Variants in DNAJC2 observed in about 807,000 individuals in gnomAD.
DNAJC2 encodes the protein dnaJ homolog subfamily C member 2.
Under a neutral mutation model 94.0 loss-of-function variants are expected in DNAJC2, and 32 were observed. The ratio of observed to expected loss-of-function variants is 0.34; its 90% CI spans 0.26 to 0.46. The LOEUF (loss-of-function observed/expected upper bound fraction) is 0.46, where lower values mean the gene tolerates loss of function less well. DNAJC2 is among the 20% of genes least tolerant of loss of function. DNAJC2 has a pLI of 1.00. For missense variants in DNAJC2, 550 were observed against 719.5 expected (o/e 0.76, Z 2.69); for synonymous variants, 210 against 229.7 (o/e 0.91, Z 0.77).
At chr7:103,323,390 G>T (rs1173055933) in intron 7 of DNAJC2, among the ~76,000 whole-genome samples, 2 of 152,058 alleles carry the variant, frequency 1.3e-5, no homozygotes, top group Admixed American at 1.3e-4. Context: ...ATATTCCTTG[G>T]CAATTTCTTA....
intron 4 of DNAJC2, chr7:103,327,442 G>T: frequency 1.3e-6 from 1 of 785,820 alleles, no homozygotes; most frequent in Non-Finnish European, 2.0e-6. Context: ...TTTCTAATAA[G>T]CTGCCAGGTG....
chr7:103,319,573 C>G (rs1161418234), intron 12 of DNAJC2, 36 bp downstream of exon 12: 1 of 1,597,300 alleles, frequency 6.3e-7, no homozygotes, highest in African/African-American at 1.3e-5. Flanking sequence ...GAATTAAATG[C>G]TACATATAGG....
intron 3 of DNAJC2, among the ~76,000 whole-genome samples, chr7:103,328,114 G>C (rs1818803705): frequency 6.6e-6 from 1 of 151,686 alleles, no homozygotes; most frequent in Non-Finnish European, 1.5e-5. Flanking sequence ...TAGAAACAAG[G>C]TTTCACTATG....
At position 103,317,011 on chromosome 7, in the gene DNAJC2, C is replaced by T. The variant is rs1818100008; in HGVS notation, c.1246G>A (p.Glu416Lys). The T allele has an allele frequency of 1.2e-6, 2 of 1,612,390 alleles. No homozygotes were observed. Among genetic ancestry groups the T allele is most frequent in the Admixed American group, 1.7e-5 (1 of 59,872 alleles). ...VGKAALEKQIEEINEQIRKEK... is the reference protein window; with the variant it reads ...VGKAALEKQIKEINEQIRKEK... ...TTTCTGATTTGCTCATTTATTTCTT[C>T]TATCTGCACAAATATCATAAGTCAG... The change falls in exon 13 of 17, where the codon GAA becomes AAA. Residue 416 changes from glutamate (E) to lysine (K), a missense_variant. By Grantham distance (56) the Glu-to-Lys change is moderately conservative. Transcript: ENST00000379263.
chr7:103,313,344 C>T, intron 15 of DNAJC2: 1 of 1,197,978 alleles, frequency 8.3e-7, no homozygotes, highest in Non-Finnish European at 1.0e-6. Flanking sequence ...AAAGATCTAC[C>T]TTGTACTGTT....
intron 2 of DNAJC2, among the ~76,000 whole-genome samples, chr7:103,340,418 T>A (rs1466057117): frequency 6.6e-6 from 1 of 152,264 alleles, no homozygotes; most frequent in Non-Finnish European, 1.5e-5. Context: ...TGCTTTAGCT[T>A]ATTTAGTCCT....
chr7:103,322,694 T>G lies in DNAJC2; in HGVS notation c.811+9A>C. On this transcript the variant is annotated intron_variant, in intron 8 of 16. Coordinates refer to ENST00000379263, the MANE Select transcript of DNAJC2 (RefSeq NM_014377.3). ...TAACATTTAGGGGACTTAAATCAATTCTACTTACCAACTAATGTTCTTATT... is the reference window on the plus strand; with the variant it reads ...TAACATTTAGGGGACTTAAATCAATGCTACTTACCAACTAATGTTCTTATT... The G allele has an allele frequency of 6.2e-7, 1 of 1,612,616 alleles. No individual in the cohort carries two copies. Among genetic ancestry groups the G allele is most frequent in the South Asian group, 1.1e-5 (1 of 91,048 alleles).
intron 7 of DNAJC2, among the ~76,000 whole-genome samples, chr7:103,323,196 C>G (rs763945552): frequency 3.3e-5 from 5 of 152,114 alleles, no homozygotes; most frequent in Non-Finnish European, 7.3e-5. Context: ...TCCCAAAGTG[C>G]TAGGATTACA....
intron 7 of DNAJC2, 47 bp from the exon 8 acceptor site, chr7:103,322,841 A>G (rs1463689950): frequency 7.1e-7 from 1 of 1,407,856 alleles, no homozygotes; most frequent in Non-Finnish European, 9.8e-7. Context: ...TATAGATGCT[A>G]TGACTGGAAA....
chr7:103,322,422 G>GT (rs1232923857), intron 9 of DNAJC2, 89 bp downstream of exon 9: 72 of 1,263,276 alleles, frequency 5.7e-5, no homozygotes, highest in Admixed American at 1.1e-4. Flanking sequence ...TCGAATTATA[G>GT]TTTTTTTTAA....
Position 103,312,411 on chromosome 7 carries a change from C to G in DNAJC2, c.*158G>C, listed in dbSNP as rs1242728937. 6.6e-7 allele frequency: 1 copy of G among 1,508,482 alleles called. No individual in the cohort carries two copies. The highest frequency in any genetic ancestry group is 2.4e-5 in the East Asian group (1 of 41,694). The allele number at this position is 1,508,482 out of a possible 1,614,324, so 93.4% of individuals were successfully genotyped here. ...TTCAAAGGATAAAAAGACTACCCCTCTGAAGGTTGTTTTGTATTAATGGTC... is the reference window on the plus strand; with the variant it reads ...TTCAAAGGATAAAAAGACTACCCCTGTGAAGGTTGTTTTGTATTAATGGTC... On this transcript the variant is annotated 3_prime_UTR_variant, in exon 17 of 17. Coordinates refer to ENST00000379263, the MANE Select transcript of DNAJC2 (RefSeq NM_014377.3).
rs773586540 is a variant in DNAJC2, at chr7:103,344,599, C to T, written c.24G>A (p.Ala8=). The stretch of plus-strand genomic sequence containing the variant: ...GGGTGATGGCGGTGCCCCGGCCGTC[C>T]GCGGCGCTTGGCAGAAGCAGCATGA... MLLLPSA[A]DGRGTAITHA... Residue 8 remains alanine (A), a synonymous_variant, in exon 1 of 17, where the codon GCG becomes GCA. Coordinates refer to ENST00000379263, the MANE Select transcript of DNAJC2 (RefSeq NM_014377.3). 6.2e-7 allele frequency: 1 copy of T among 1,612,714 alleles called. No homozygotes were observed. Among genetic ancestry groups the T allele is most frequent in the Non-Finnish European group, 8.5e-7 (1 of 1,179,962 alleles).
rs1586085124 is a variant in DNAJC2, at chr7:103,323,765, C to G, written c.654-102G>C. 3.3e-6 allele frequency: 3 copies of G among 917,092 alleles called. No homozygotes were observed. The East Asian group carries it at 1.1e-4, about 33-fold the overall frequency. 56.8% of individuals were successfully genotyped at this position (917,092 alleles called of 1,614,324 possible). On this transcript the variant is annotated intron_variant, in intron 6 of 16. Transcript: ENST00000379263. ...TTGTTTTAATGGATACCTTTCCTTC[C>G]CTTCTAGTATTGAACTAAGGTCAAG...
intron 3 of DNAJC2, chr7:103,336,877 T>C (rs1035505446): frequency 2.6e-5 from 4 of 152,252 alleles, no homozygotes; most frequent in South Asian, 4.1e-4. Context: ...GGGGACGATT[T>C]TGAGTTCATC....
At chr7:103,319,587 G>A (rs201350713) in intron 12 of DNAJC2, 22 bp downstream of exon 12, 2 of 1,609,832 alleles carry the variant, frequency 1.2e-6, no homozygotes, top group African/African-American at 2.7e-5. Context: ...ATATAGGTAG[G>A]AGTGATGTGT....
intron 3 of DNAJC2, among the ~76,000 whole-genome samples, chr7:103,334,553 A>C (rs1247996094): frequency 3.3e-5 from 5 of 151,358 alleles, no homozygotes; most frequent in Non-Finnish European, 4.4e-5. Flanking sequence ...TCCACCCTGG[A>C]TAACAGTTAG....
intron 3 of DNAJC2, among the ~76,000 whole-genome samples, chr7:103,331,480 C>A (rs964271069): frequency 1.3e-5 from 2 of 152,154 alleles, no homozygotes; most frequent in African/African-American, 4.8e-5. Context: ...ATGTTTGTAT[C>A]CATTGACCAA....
intron 3 of DNAJC2, among the ~76,000 whole-genome samples, chr7:103,328,422 G>C (rs1426295789): frequency 6.6e-6 from 1 of 151,966 alleles, no homozygotes; most frequent in Non-Finnish European, 1.5e-5. Flanking sequence ...CTTGAGGTCA[G>C]GAGTTCAAGA....
At chr7:103,331,272 T>G (rs1818959210) in intron 3 of DNAJC2, among the ~76,000 whole-genome samples, 2 of 152,232 alleles carry the variant, frequency 1.3e-5, no homozygotes, top group African/African-American at 4.8e-5. Flanking sequence ...TTGTGCATAA[T>G]TCATGATACA....
Sources: gnomAD v4.1 joint callset for allele counts (sites outside exome capture counted in the v4.1 genomes callset) on GRCh38, gnomAD v4.1.1 for gene constraint, MANE v1.5 for transcripts, NCBI Gene and HGNC (gene_info 2026-07-23, HGNC 2026-07-21) for gene names.